SCML4: variants seen among roughly 807,000 people sequenced by gnomAD.
The protein encoded by SCML4 is Scm polycomb group protein like 4.
A neutral mutation model predicts 41.1 loss-of-function variants in SCML4; 34 were observed. The observed-to-expected ratio is 0.83, with a 90% CI of 0.63 to 1.10. SCML4 has a LOEUF of 1.10. Among genes scored for constraint, SCML4 ranks in the 50% least tolerant of loss-of-function variants. The pLI, the probability that SCML4 is intolerant of heterozygous loss-of-function variation, is 0.00. For synonymous variants in SCML4, 214 were observed against 220.9 expected (o/e 0.97, Z 0.28); for missense variants, 522 against 534.1 (o/e 0.98, Z 0.22).
At chr6:107,842,791 T>C in the SCML4 span, among the ~76,000 whole-genome samples, 123,636 of 152,188 alleles carry the variant, frequency 0.81, 50,344 homozygotes, top group East Asian at 0.95. Flanking sequence ...TTCTCTTTTC[T>C]GTTCTAGCAG....
At chr6:107,794,111 T>C (rs1782541470) in intron 1 of SCML4, among the ~76,000 whole-genome samples, 3 of 152,234 alleles carry the variant, frequency 2.0e-5, no homozygotes, top group Non-Finnish European at 4.4e-5. Context: ...ATCTTTGCTA[T>C]GGACCCAAGG....
rs117110442 is a variant in SCML4, at chr6:107,743,318, G to A, written c.682+1631C>T. Among the ~76,000 whole-genome samples the A allele has an allele frequency of 4.3e-3, 651 of 152,238 alleles. 10 individuals carry two copies. The East Asian group carries it at 0.063, about 15-fold the overall frequency. ...CCAATACTTGTTCTGAATTTCATCC[G>A]TAGTCAGGGAAGAACTAGTCCCGCA... On this transcript the variant is annotated intron_variant, in intron 5 of 7. Coordinates refer to ENST00000369020, the MANE Select transcript of SCML4 (RefSeq NM_198081.5).
intron 1 of SCML4, among the ~76,000 whole-genome samples, chr6:107,800,423 A>G (rs1281016231): frequency 6.6e-6 from 1 of 152,124 alleles, no homozygotes; most frequent in Non-Finnish European, 1.5e-5. Flanking sequence ...TGTTTGCCCA[A>G]TACCCAACCA....
intron 1 of SCML4, among the ~76,000 whole-genome samples, chr6:107,815,394 A>G (rs1784490239): frequency 6.6e-6 from 1 of 152,246 alleles, no homozygotes; most frequent in African/African-American, 2.4e-5. Flanking sequence ...AACTTATTTT[A>G]CAAAAAAGCA....
intron 2 of SCML4, 36 bp downstream of exon 2, chr6:107,772,136 A>C: frequency 6.5e-7 from 1 of 1,527,856 alleles, no homozygotes; most frequent in Non-Finnish European, 8.8e-7. Flanking sequence ...GCCCCAGCCC[A>C]ATACCACTTT....
chr6:107,776,057 T>C (rs1208301089), intron 1 of SCML4, among the ~76,000 whole-genome samples: 5 of 152,058 alleles, frequency 3.3e-5, no homozygotes, highest in Non-Finnish European at 7.4e-5. Flanking sequence ...CTAAAGACAA[T>C]ATAAGTCAAC....
chr6:107,766,416 C>T (rs546579317), intron 2 of SCML4, among the ~76,000 whole-genome samples: 10 of 150,858 alleles, frequency 6.6e-5, no homozygotes, highest in South Asian at 2.1e-4. Flanking sequence ...GCTATGATCT[C>T]GCTCCTGAAT....
At chr6:107,769,622 C>T (rs995684141) in intron 2 of SCML4, among the ~76,000 whole-genome samples, 7 of 152,098 alleles carry the variant, frequency 4.6e-5, no homozygotes, top group South Asian at 2.1e-4. Flanking sequence ...GATTTTATTA[C>T]GATGCTATTA....
chr6:107,808,686 AG>A (rs1484224159), intron 1 of SCML4, among the ~76,000 whole-genome samples: 1 of 152,232 alleles, frequency 6.6e-6, no homozygotes. Flanking sequence ...GAGAATGTTC[AG>A]GGAAGGGCAA....
At chr6:107,826,171 G>A (rs1785248765), upstream of SCML4, among the ~76,000 whole-genome samples, 1 of 151,732 alleles carries the variant, frequency 6.6e-6, no homozygotes, top group African/African-American at 2.4e-5. Context: ...TTGAACCTGG[G>A]AGGGAGAGGT....
chr6:107,726,950 C>T (rs542741159), intron 5 of SCML4, among the ~76,000 whole-genome samples: 1 of 152,184 alleles, frequency 6.6e-6, no homozygotes, highest in Non-Finnish European at 1.5e-5. Context: ...AAAATCTGTA[C>T]ATGAATGTTT....
chr6:107,744,211 A>C (rs532029780), intron 5 of SCML4, among the ~76,000 whole-genome samples: 9 of 152,194 alleles, frequency 5.9e-5, no homozygotes, highest in Non-Finnish European at 1.3e-4. Flanking sequence ...TCTATAACTC[A>C]GGGCTGCTTA....
chr6:107,774,381 GA>G (rs1780749875), intron 1 of SCML4, among the ~76,000 whole-genome samples: 2 of 152,128 alleles, frequency 1.3e-5, no homozygotes, highest in Non-Finnish European at 2.9e-5. Context: ...CAGTTAGGAT[GA>G]GGGACTATAA....
At chr6:107,814,355 A>G (rs1784414045) in intron 1 of SCML4, among the ~76,000 whole-genome samples, 1 of 152,198 alleles carries the variant, frequency 6.6e-6, no homozygotes, top group African/African-American at 2.4e-5. Flanking sequence ...AGACCCAGTT[A>G]TACCACTTAA....
intron 6 of SCML4, among the ~76,000 whole-genome samples, chr6:107,714,997 T>C (rs1774622709): frequency 6.9e-6 from 1 of 144,420 alleles, no homozygotes; most frequent in South Asian, 2.2e-4. Flanking sequence ...TTTTTTGAGA[T>C]GAAGTCCCGC....
chr6:107,794,162 C>A (rs1009896518), intron 1 of SCML4, among the ~76,000 whole-genome samples: 1 of 152,184 alleles, frequency 6.6e-6, no homozygotes, highest in Admixed American at 6.5e-5. Context: ...AAGATGTGAT[C>A]ACAGCAGAGT....
intron 2 of SCML4, among the ~76,000 whole-genome samples, chr6:107,760,994 C>T (rs1583514004): frequency 6.6e-6 from 1 of 152,056 alleles, no homozygotes; most frequent in South Asian, 2.1e-4. Flanking sequence ...GCATTGTAAA[C>T]ATAGCTAAAT....
intron 1 of SCML4, among the ~76,000 whole-genome samples, chr6:107,809,519 A>G (rs767518092): frequency 2.0e-5 from 3 of 152,210 alleles, no homozygotes; most frequent in Non-Finnish European, 4.4e-5. Context: ...GGAGAAAGGG[A>G]GAATGCAGAA....
chr6:107,744,299 G>T (rs1056247399), intron 5 of SCML4, among the ~76,000 whole-genome samples: 1 of 152,136 alleles, frequency 6.6e-6, no homozygotes, highest in Non-Finnish European at 1.5e-5. Context: ...GTGTGGCCTT[G>T]CTACCCTCCC....
Sources: allele counts gnomAD v4.1 joint callset (sites outside exome capture counted in the v4.1 genomes callset), GRCh38; gene constraint gnomAD v4.1.1; transcripts MANE v1.5; gene names NCBI Gene and HGNC (gene_info 2026-07-23, HGNC 2026-07-21).